CALCR: variants seen among roughly 807,000 people sequenced by gnomAD.
CALCR encodes calcitonin receptor.
A neutral mutation model predicts 59.5 loss-of-function variants in CALCR; 47 were observed. That is an observed-to-expected ratio of 0.79 (90% CI 0.63 to 1.01). CALCR has a LOEUF of 1.01. Among genes scored for constraint, CALCR ranks in the 50% least tolerant of loss-of-function variants. The pLI, the probability that CALCR is intolerant of heterozygous loss-of-function variation, is 0.00. For synonymous variants in CALCR, 213 were observed against 211.3 expected, an observed-to-expected ratio of 1.01 and a Z score of -0.07; for missense variants, 566 against 597.1, an observed-to-expected ratio of 0.95 and a Z score of 0.54.
chr7:93,547,055 C>G (rs1789309505), intron 2 of CALCR, among the ~76,000 whole-genome samples: 1 of 152,134 alleles, frequency 6.6e-6, no homozygotes, highest in African/African-American at 2.4e-5. Flanking sequence ...AGAATGGAGA[C>G]AGATCTCACC....
At chr7:93,514,856 A>G (rs1801617576) in intron 2 of CALCR, among the ~76,000 whole-genome samples, 1 of 152,048 alleles carries the variant, frequency 6.6e-6, no homozygotes, top group South Asian at 2.1e-4. Flanking sequence ...GCCATTAAAA[A>G]TGGTAGCAGA....
chr7:93,570,971 AT>A (rs1342326209), intron 2 of CALCR, among the ~76,000 whole-genome samples: 1 of 152,212 alleles, frequency 6.6e-6, no homozygotes, highest in African/African-American at 2.4e-5. Flanking sequence ...CCAATGTTCT[AT>A]CTTCATGATT....
rs1446109932 is a variant in CALCR at position 93,426,594 on chromosome 7, A to T, written c.1192-5T>A. On this transcript the variant is annotated splice_polypyrimidine_tract_variant and splice_region_variant and intron_variant, in intron 13 of 13. Transcript: ENST00000426151. ...GCGCTTCACGGTGGTTTGGACCTGGAAGAGAAAAAGGAGCCTTGTTTTTAT... is the reference window on the plus strand; with the variant it reads ...GCGCTTCACGGTGGTTTGGACCTGGTAGAGAAAAAGGAGCCTTGTTTTTAT... 1 of 1,502,654 alleles carries T rather than the reference A, an allele frequency of 6.7e-7. No homozygotes were observed. The highest frequency in any genetic ancestry group is 1.8e-5 in the Admixed American group (1 of 54,162). The allele number at this position is 1,502,654 out of a possible 1,614,324, so 93.1% of individuals were successfully genotyped here.
At chr7:93,460,444 T>C (rs1205347306) in intron 8 of CALCR, among the ~76,000 whole-genome samples, 2 of 149,938 alleles carry the variant, frequency 1.3e-5, no homozygotes, top group Non-Finnish European at 1.5e-5. Flanking sequence ...TAATCCCAGC[T>C]ACTCAGGAGG....
chr7:93,517,317 A>ATCTTTTTTTTTTT (rs1554404282), intron 2 of CALCR, among the ~76,000 whole-genome samples: 234 of 127,036 alleles, frequency 1.8e-3, no homozygotes, highest in African/African-American at 6.4e-3. Context: ...TTTTTTTTTA[A>ATCTTTTTTTTTTT]TTTGCTAGCC....
At chr7:93,520,550 G>T (rs910021938) in intron 2 of CALCR, among the ~76,000 whole-genome samples, 77 of 152,092 alleles carry the variant, frequency 5.1e-4, no homozygotes, top group African/African-American at 1.7e-3. Context: ...GCTGAATTTA[G>T]AAAATTTATT....
intron 2 of CALCR, among the ~76,000 whole-genome samples, chr7:93,523,189 C>A (rs1238815198): frequency 6.6e-6 from 1 of 152,092 alleles, no homozygotes. Context: ...AGAAAAATTG[C>A]TTTGAATTTT....
At chr7:93,567,446 G>T (rs949036834) in intron 2 of CALCR, among the ~76,000 whole-genome samples, 2 of 151,932 alleles carry the variant, frequency 1.3e-5, no homozygotes, top group Non-Finnish European at 2.9e-5. Flanking sequence ...AATACAAAAG[G>T]GAGATTAAAC....
intron 2 of CALCR, among the ~76,000 whole-genome samples, chr7:93,546,418 A>C (rs1313599024): frequency 6.6e-6 from 1 of 152,180 alleles, no homozygotes; most frequent in Non-Finnish European, 1.5e-5. Flanking sequence ...ATTTACATAA[A>C]GGTTAAATAA....
intron 2 of CALCR, among the ~76,000 whole-genome samples, chr7:93,566,294 G>A (rs2116280855): frequency 6.6e-6 from 1 of 152,070 alleles, no homozygotes; most frequent in Non-Finnish European, 1.5e-5. Flanking sequence ...TAGCTATCTG[G>A]AATGTAAACT....
chr7:93,561,181 T>G (rs1050315779), intron 2 of CALCR, among the ~76,000 whole-genome samples: 1 of 152,202 alleles, frequency 6.6e-6, no homozygotes, highest in Non-Finnish European at 1.5e-5. Context: ...AATGAGATGC[T>G]GAATGTGTAA....
chr7:93,517,317 A>ATCTTTTTTTT (rs1554404282), intron 2 of CALCR, among the ~76,000 whole-genome samples: 20 of 127,740 alleles, frequency 1.6e-4, no homozygotes, highest in East Asian at 5.9e-4. Flanking sequence ...TTTTTTTTTA[A>ATCTTTTTTTT]TTTGCTAGCC....
Position 93,438,041 on chromosome 7 carries a change from A to G in CALCR, c.930+19T>C, listed in dbSNP as rs2115701544. The G allele has an allele frequency of 1.9e-6, 3 of 1,605,092 alleles. No homozygotes were observed. The highest frequency in any genetic ancestry group is 1.1e-5 in the South Asian group (1 of 90,782). On this transcript the variant is annotated intron_variant, in intron 11 of 13. Coordinates refer to ENST00000426151, the MANE Select transcript of CALCR (RefSeq NM_001742.4). Reference sequence around the variant, plus strand: ...AAGAGATAATACTACTAATATTGCAATAAAAAACTAATTCTCACCACAAGT... The same window carrying G: ...AAGAGATAATACTACTAATATTGCAGTAAAAAACTAATTCTCACCACAAGT...
intron 2 of CALCR, among the ~76,000 whole-genome samples, chr7:93,527,089 T>C (rs1307023561): frequency 1.3e-5 from 2 of 151,940 alleles, no homozygotes; most frequent in Non-Finnish European, 2.9e-5. Context: ...ATAAGGTATG[T>C]TTATATATGA....
chr7:93,426,653 G>T (rs979669904), intron 13 of CALCR, 64 bp from the exon 14 acceptor site: 1 of 838,972 alleles, frequency 1.2e-6, no homozygotes, highest in South Asian at 1.6e-5. Context: ...CAAAGTGTAC[G>T]AACATCGTTC....
At chr7:93,477,215 C>G (rs1800684615) in intron 5 of CALCR, among the ~76,000 whole-genome samples, 1 of 151,762 alleles carries the variant, frequency 6.6e-6, no homozygotes, top group African/African-American at 2.4e-5. Flanking sequence ...GCATCTGGGT[C>G]TCCTTCATAA....
intron 3 of CALCR, among the ~76,000 whole-genome samples, chr7:93,483,408 TATAGATAG>T (rs71782849): frequency 0.14 from 20,218 of 140,668 alleles, 1,522 homozygotes; most frequent in Non-Finnish European, 0.15. Context: ...GGGCTGACTG[TATAGATAG>T]ATAGATAGAT....
chr7:93,468,042 A>G (rs1294990961), intron 7 of CALCR, among the ~76,000 whole-genome samples: 1 of 151,622 alleles, frequency 6.6e-6, no homozygotes, highest in Admixed American at 6.6e-5. Context: ...TATTTTCACT[A>G]AAGTTGGTTG....
intron 2 of CALCR, among the ~76,000 whole-genome samples, chr7:93,550,541 C>T (rs1789423344): frequency 6.9e-6 from 1 of 143,946 alleles, no homozygotes; most frequent in African/African-American, 2.6e-5. Flanking sequence ...CAATGTTGGC[C>T]ACTTCAGTAT....
Sources: allele counts gnomAD v4.1 joint callset (sites outside exome capture counted in the v4.1 genomes callset), GRCh38; gene constraint gnomAD v4.1.1; transcripts MANE v1.5; gene names NCBI Gene and HGNC (gene_info 2026-07-23, HGNC 2026-07-21).